GPR39: variants seen among roughly 807,000 people sequenced by gnomAD.
The protein encoded by GPR39 is zinc sensing receptor.
GPR39 carries 23 observed loss-of-function variants against 18.4 expected under a neutral mutation model. The ratio of observed to expected loss-of-function variants is 1.25; its 90% CI spans 0.90 to 1.77. The LOEUF is 1.77. GPR39 is among the 40% of genes most tolerant of loss of function. GPR39 has a pLI of 0.00. For missense variants in GPR39, 647 were observed against 602.4 expected (o/e 1.07, Z -0.78); for synonymous variants, 280 against 257.9 (o/e 1.09, Z -0.82).
intron 1 of GPR39, among the ~76,000 whole-genome samples, chr2:132,634,061 G>A (rs1681703700): frequency 7.0e-6 from 1 of 142,746 alleles, no homozygotes; most frequent in Admixed American, 6.7e-5. Context: ...TGGTGGGGGT[G>A]GCAGTAGTAG....
At chr2:132,568,906 G>T (rs1415980482) in intron 1 of GPR39, among the ~76,000 whole-genome samples, 1 of 152,026 alleles carries the variant, frequency 6.6e-6, no homozygotes, top group Non-Finnish European at 1.5e-5. Context: ...GGCCTTGCTG[G>T]GCAGGCCTTA....
Position 132,628,841 on chromosome 2 carries a change from TGAG to T in GPR39, c.857-16259_857-16257del, listed in dbSNP as rs1394848655. Among the ~76,000 whole-genome samples, 152 of 152,326 alleles carry T rather than the reference TGAG, an allele frequency of 1.0e-3. 2 individuals are homozygous for T. Among genetic ancestry groups the T allele is most frequent in the African/African-American group, 3.5e-3 (144 of 41,572 alleles). On this transcript the variant is annotated intron_variant, in intron 1 of 1. Coordinates refer to ENST00000329321, the MANE Select transcript of GPR39 (RefSeq NM_001508.3). ...GATAAGACCTTGGCACACACTTTAA[TGAG>T]ATTCAGTTTTTTCCATATTTTTCAA...
intron 1 of GPR39, among the ~76,000 whole-genome samples, chr2:132,488,394 A>AT (rs1262543639): frequency 7.2e-5 from 11 of 152,176 alleles, no homozygotes; most frequent in Non-Finnish European, 1.5e-4. Context: ...CTGCATAGAT[A>AT]TTGCAAATAG....
intron 1 of GPR39, among the ~76,000 whole-genome samples, chr2:132,478,082 C>T (rs549905802): frequency 6.6e-6 from 1 of 152,280 alleles, no homozygotes; most frequent in African/African-American, 2.4e-5. Flanking sequence ...TATTTGAAAT[C>T]TGGCTGTTCT....
chr2:132,555,952 TAA>T (rs1198251946), intron 1 of GPR39, among the ~76,000 whole-genome samples: 6 of 152,170 alleles, frequency 3.9e-5, no homozygotes, highest in Admixed American at 2.6e-4. Context: ...TATGGAAACA[TAA>T]ATTGCTGGGC....
intron 1 of GPR39, among the ~76,000 whole-genome samples, chr2:132,441,519 C>T (rs1680438976): frequency 1.3e-5 from 2 of 152,082 alleles, no homozygotes; most frequent in East Asian, 3.9e-4. Context: ...CTTAACAAAC[C>T]AGCAAAATGA....
At chr2:132,638,870 C>T (rs1681812390) in intron 1 of GPR39, among the ~76,000 whole-genome samples, 1 of 152,188 alleles carries the variant, frequency 6.6e-6, no homozygotes, top group Non-Finnish European at 1.5e-5. Flanking sequence ...TGCTCTCTAA[C>T]CATGCTGGTT....
Position 132,555,288 on chromosome 2 carries a change from A to G in GPR39, c.857-89813A>G, listed in dbSNP as rs114919435. The stretch of plus-strand genomic sequence containing the variant: ...TAGGTTGGTAATCTATTGCTGTGAA[A>G]CAAATTACCCAAAACCTAGTGCCTT... On this transcript the variant is annotated intron_variant, in intron 1 of 1. Coordinates refer to ENST00000329321, the MANE Select transcript of GPR39 (RefSeq NM_001508.3). Among the ~76,000 whole-genome samples, 1,443 of 152,286 alleles carry G rather than the reference A, an allele frequency of 9.5e-3. 12 individuals are homozygous for G. The highest frequency in any genetic ancestry group is 0.016 in the Non-Finnish European group (1,081 of 68,020).
chr2:132,501,235 C>CT, intron 1 of GPR39, among the ~76,000 whole-genome samples: 1 of 151,934 alleles, frequency 6.6e-6, no homozygotes, highest in Non-Finnish European at 1.5e-5. Flanking sequence ...ATGCTATGAA[C>CT]TTTCCTCTAG....
At chr2:132,533,129 A>T (rs1349519466) in intron 1 of GPR39, among the ~76,000 whole-genome samples, 3 of 152,194 alleles carry the variant, frequency 2.0e-5, no homozygotes, top group Admixed American at 6.5e-5. Flanking sequence ...CCTTAAGCTG[A>T]TAAACAACTC....
intron 1 of GPR39, among the ~76,000 whole-genome samples, chr2:132,500,996 T>C (rs1032860959): frequency 6.6e-6 from 1 of 151,874 alleles, no homozygotes; most frequent in East Asian, 1.9e-4. Context: ...TTGCTAATGG[T>C]CTATTAATTT....
At chr2:132,575,740 C>G (rs1680518715) in intron 1 of GPR39, among the ~76,000 whole-genome samples, 2 of 152,228 alleles carry the variant, frequency 1.3e-5, no homozygotes, top group African/African-American at 4.8e-5. Context: ...TTACCATCTA[C>G]AATTCCTCTT....
At chr2:132,526,895 A>T (rs1393458877) in intron 1 of GPR39, among the ~76,000 whole-genome samples, 5 of 151,776 alleles carry the variant, frequency 3.3e-5, no homozygotes, top group African/African-American at 4.8e-5. Context: ...AATGTGCTAG[A>T]CCCTTTTTTT....
intron 1 of GPR39, among the ~76,000 whole-genome samples, chr2:132,596,355 T>C (rs1430230872): frequency 6.6e-6 from 1 of 152,094 alleles, no homozygotes; most frequent in African/African-American, 2.4e-5. Flanking sequence ...TCTCTCTCTT[T>C]GTTTTGCAAT....
chr2:132,634,079 G>A (rs868012415), intron 1 of GPR39, among the ~76,000 whole-genome samples: 2 of 143,498 alleles, frequency 1.4e-5, no homozygotes, highest in African/African-American at 6.0e-5. Flanking sequence ...TAGCAGTGGT[G>A]TTGGTGTTCG....
At chr2:132,593,516 A>G (rs73955745) in intron 1 of GPR39, among the ~76,000 whole-genome samples, 1 of 152,190 alleles carries the variant, frequency 6.6e-6, no homozygotes. Context: ...TCAAGGGCTT[A>G]TAGGTTAACT....
intron 1 of GPR39, among the ~76,000 whole-genome samples, chr2:132,576,246 CAGTT>C (rs1237089509): frequency 1.7e-4 from 26 of 152,228 alleles, no homozygotes; most frequent in Admixed American, 1.6e-3. Flanking sequence ...TATTTTCTCT[CAGTT>C]GGTTGCTTAT....
chr2:132,479,717 A>G (rs1013094146), intron 1 of GPR39, among the ~76,000 whole-genome samples: 2 of 152,238 alleles, frequency 1.3e-5, no homozygotes, highest in Non-Finnish European at 2.9e-5. Flanking sequence ...GTTGGAGAGC[A>G]TATGGAGAAA....
chr2:132,504,917 ATTTC>A lies in GPR39; in HGVS notation c.856+87022_856+87025del, dbSNP rs559705708. Among the ~76,000 whole-genome samples the A allele has an allele frequency of 5.9e-5, 9 of 152,324 alleles. No individual in the cohort carries two copies. In the South Asian group the frequency reaches 1.9e-3, roughly 32 times the overall value. ...CGACCTATTCTATATTTGGAGTTAG[ATTTC>A]TTCAGCACATCTTTCCACATTTGTT... On this transcript the variant is annotated intron_variant, in intron 1 of 1. Transcript: ENST00000329321.
Sources: allele counts gnomAD v4.1 joint callset (sites outside exome capture counted in the v4.1 genomes callset), GRCh38; gene constraint gnomAD v4.1.1; transcripts MANE v1.5; gene names NCBI Gene and HGNC (gene_info 2026-07-23, HGNC 2026-07-21).